ENTREP2: variants seen among roughly 807,000 people sequenced by gnomAD.
ENTREP2 encodes the protein protein ENTREP2.
the ENTREP2 span, among the ~76,000 whole-genome samples, chr15:29,340,859 T>G: frequency 1.3e-5 from 2 of 152,228 alleles, no homozygotes; most frequent in South Asian, 4.1e-4. Context: ...AACTTCAGAG[T>G]CATGGACTGT....
At chr15:29,562,674 C>T in the ENTREP2 span, among the ~76,000 whole-genome samples, 1 of 152,184 alleles carries the variant, frequency 6.6e-6, no homozygotes, top group Non-Finnish European at 1.5e-5. Context: ...TGGCTATGAG[C>T]ATTCCAGTGT....
the ENTREP2 span, chr15:29,128,813 T>C: frequency 6.4e-7 from 1 of 1,551,008 alleles, no homozygotes; most frequent in Non-Finnish European, 8.7e-7. Context: ...CCAGCACTGG[T>C]GTTTGGGTCC....
At chr15:29,643,564 T>C in the ENTREP2 span, among the ~76,000 whole-genome samples, 14 of 152,114 alleles carry the variant, frequency 9.2e-5, no homozygotes, top group Non-Finnish European at 1.9e-4. Flanking sequence ...AGGTGGATCA[T>C]GAGGTCAGGA....
the ENTREP2 span, among the ~76,000 whole-genome samples, chr15:29,623,079 A>T: frequency 6.6e-6 from 1 of 152,232 alleles, no homozygotes; most frequent in Non-Finnish European, 1.5e-5. Context: ...ATACTTTGTT[A>T]AATTATCTTT....
the ENTREP2 span, chr15:29,269,784 C>T: frequency 7.5e-7 from 1 of 1,331,416 alleles, no homozygotes; most frequent in Non-Finnish European, 9.8e-7. Context: ...GACCCGCTAA[C>T]GCCGGTGCCT....
the ENTREP2 span, among the ~76,000 whole-genome samples, chr15:29,481,746 C>A: frequency 6.6e-6 from 1 of 152,118 alleles, no homozygotes; most frequent in Non-Finnish European, 1.5e-5. Context: ...TCACTTAGTC[C>A]TAGACACCAT....
At chr15:29,173,957 A>G in the ENTREP2 span, among the ~76,000 whole-genome samples, 1 of 151,810 alleles carries the variant, frequency 6.6e-6, no homozygotes, top group Non-Finnish European at 1.5e-5. Context: ...AAAAAAAAAA[A>G]AAGCCAAAAA....
At chr15:29,296,563 ACT>A in the ENTREP2 span, among the ~76,000 whole-genome samples, 1 of 152,218 alleles carries the variant, frequency 6.6e-6, no homozygotes, top group Non-Finnish European at 1.5e-5. Context: ...AAACTCTGAA[ACT>A]CTACAGAAAA....
the ENTREP2 span, among the ~76,000 whole-genome samples, chr15:29,670,534 G>A: frequency 6.6e-6 from 1 of 152,192 alleles, no homozygotes; most frequent in Non-Finnish European, 1.5e-5. Context: ...TGTTGGGCTG[G>A]GGGTTACTCA....
At chr15:29,233,156 T>A in the ENTREP2 span, among the ~76,000 whole-genome samples, 1 of 152,196 alleles carries the variant, frequency 6.6e-6, no homozygotes, top group Non-Finnish European at 1.5e-5. Context: ...CTTTCCCACA[T>A]TGAAAAGTGC....
chr15:29,119,857 A>G, the ENTREP2 span, among the ~76,000 whole-genome samples: 1 of 152,336 alleles, frequency 6.6e-6, no homozygotes, highest in South Asian at 2.1e-4. Context: ...GCCCAGGACA[A>G]GGCGGGGAAG....
At chr15:29,277,220 T>C in the ENTREP2 span, among the ~76,000 whole-genome samples, 1 of 152,014 alleles carries the variant, frequency 6.6e-6, no homozygotes, top group Non-Finnish European at 1.5e-5. Context: ...GGCGGGTGCC[T>C]GTAGTCCCAG....
At chr15:29,155,101 T>G in the ENTREP2 span, among the ~76,000 whole-genome samples, 8 of 148,416 alleles carry the variant, frequency 5.4e-5, no homozygotes, top group South Asian at 1.7e-3. Context: ...GCTAACACGG[T>G]GAAACCCCGT....
chr15:29,537,125 A>T, the ENTREP2 span, among the ~76,000 whole-genome samples: 1 of 152,250 alleles, frequency 6.6e-6, no homozygotes, highest in African/African-American at 2.4e-5. Context: ...TAAATTAATA[A>T]ATTTTCCTTC....
At chr15:29,403,175 C>T in the ENTREP2 span, among the ~76,000 whole-genome samples, 1 of 152,072 alleles carries the variant, frequency 6.6e-6, no homozygotes, top group Non-Finnish European at 1.5e-5. Context: ...AGCCAGGTGG[C>T]CATGTACACT....
chr15:29,600,767 C>T, the ENTREP2 span, among the ~76,000 whole-genome samples: 1 of 152,050 alleles, frequency 6.6e-6, no homozygotes, highest in African/African-American at 2.4e-5. Flanking sequence ...CCACCACACC[C>T]AGCTTATGAC....
chr15:29,132,022 C>G, the ENTREP2 span, among the ~76,000 whole-genome samples: 3 of 152,136 alleles, frequency 2.0e-5, no homozygotes, highest in African/African-American at 7.2e-5. Context: ...AGGCCGCCCC[C>G]TCTTGGGTTA....
At chr15:29,211,624 T>C in the ENTREP2 span, among the ~76,000 whole-genome samples, 1 of 152,198 alleles carries the variant, frequency 6.6e-6, no homozygotes, top group Admixed American at 6.5e-5. Flanking sequence ...TTGTCATAGA[T>C]GGCTTTTATT....
the ENTREP2 span, chr15:29,234,894 T>A: frequency 6.6e-7 from 1 of 1,510,198 alleles, no homozygotes; most frequent in East Asian, 2.3e-5. Context: ...ACCTTTCTGC[T>A]GTAGGGATTA....
Sources: allele counts gnomAD v4.1 joint callset (sites outside exome capture counted in the v4.1 genomes callset), GRCh38; gene constraint gnomAD v4.1.1; transcripts MANE v1.5; gene names NCBI Gene and HGNC (gene_info 2026-07-23, HGNC 2026-07-21).